The following TOX2 variants were observed in gnomAD, a reference collection of about 807,000 sequenced individuals.
TOX2 encodes the protein granulosa cell HMG box 1.
In TOX2, 15 loss-of-function variants were observed where a neutral mutation model predicts 47.4. That is an observed-to-expected ratio of 0.32 (90% confidence interval 0.21 to 0.49). TOX2 has a LOEUF of 0.49. Among genes scored for constraint, TOX2 ranks in the 20% least tolerant of loss-of-function variants. The probability of loss-of-function intolerance (pLI) is 0.99; values close to 1 mark genes in which losing one functional copy is unlikely to be tolerated. For synonymous variants in TOX2, 290 were observed against 296.6 expected (o/e 0.98, Z 0.23); for missense variants, 622 against 673.1 (o/e 0.92, Z 0.84).
At chr20:44,051,218 A>G in intron 3 of TOX2, 88 bp from the exon 4 acceptor site, 1 of 1,509,806 alleles carries the variant, frequency 6.6e-7, no homozygotes, top group Non-Finnish European at 8.9e-7. Context: ...TCTCCTCTGC[A>G]TTCCCTCCTC....
chr20:44,052,669 A>G (rs1199519658), intron 4 of TOX2, among the ~76,000 whole-genome samples: 1 of 152,224 alleles, frequency 6.6e-6, no homozygotes, highest in Non-Finnish European at 1.5e-5. Context: ...TGTAATCCTC[A>G]TAAAAGTCCT....
chr20:44,037,761 T>C (rs1600767543), intron 3 of TOX2, among the ~76,000 whole-genome samples: 1 of 152,186 alleles, frequency 6.6e-6, no homozygotes, highest in Non-Finnish European at 1.5e-5. Flanking sequence ...CTCTTTTAAA[T>C]TACTCAGTGT....
chr20:43,916,487 G>C lies in TOX2; in HGVS notation c.99+1497G>C, dbSNP rs904826633. Among the ~76,000 whole-genome samples the C allele has an allele frequency of 2.6e-5, 4 of 152,218 alleles. No individual in the cohort carries two copies. Among genetic ancestry groups the C allele is most frequent in the Admixed American group, 6.5e-5 (1 of 15,284 alleles). On this transcript the variant is annotated intron_variant, in intron 1 of 8. Transcript: ENST00000341197. The surrounding 1 kb of genome is among the most constrained non-coding windows in gnomAD (Gnocchi z 5.0). ...TGGTGGGCGACAAGTGAGGTCTCGC[G>C]AAGAGTGGCGGTGGTTCTCTTTTGT...
intron 3 of TOX2, among the ~76,000 whole-genome samples, chr20:44,015,333 A>G (rs2070861370): frequency 6.6e-6 from 1 of 152,096 alleles, no homozygotes; most frequent in African/African-American, 2.4e-5. Flanking sequence ...ATAATTATTT[A>G]TTTTCAAACA....
intron 2 of TOX2, among the ~76,000 whole-genome samples, chr20:43,974,600 G>C (rs1156874611): frequency 6.6e-6 from 1 of 152,262 alleles, no homozygotes; most frequent in Non-Finnish European, 1.5e-5. Flanking sequence ...GGCTATGGCA[G>C]TCCAAGTTGG....
intron 1 of TOX2, among the ~76,000 whole-genome samples, chr20:43,952,147 C>T (rs1016582746): frequency 7.2e-5 from 11 of 152,170 alleles, no homozygotes; most frequent in African/African-American, 2.2e-4. Context: ...GTGATCTGCC[C>T]GCCTTGGCCT....
chr20:44,053,621 C>CATCTATATACATATAT (rs1569139629), intron 4 of TOX2, among the ~76,000 whole-genome samples: 2 of 150,404 alleles, frequency 1.3e-5, no homozygotes, highest in African/African-American at 4.9e-5. Flanking sequence ...TATACACACA[C>CATCTATATACATATAT]ACACACACGT....
chr20:44,030,278 T>G (rs887239497), intron 3 of TOX2, among the ~76,000 whole-genome samples: 1 of 152,036 alleles, frequency 6.6e-6, no homozygotes, highest in Non-Finnish European at 1.5e-5. Flanking sequence ...CAATCCTAAG[T>G]CTCTCCCTCC....
intron 2 of TOX2, among the ~76,000 whole-genome samples, chr20:43,996,274 G>A (rs1339884347): frequency 6.6e-6 from 1 of 152,186 alleles, no homozygotes; most frequent in Non-Finnish European, 1.5e-5. Flanking sequence ...TGATGTTGTA[G>A]CTGAGATGTT....
At chr20:44,027,035 G>C (rs73292475) in intron 3 of TOX2, among the ~76,000 whole-genome samples, 1 of 152,176 alleles carries the variant, frequency 6.6e-6, no homozygotes, top group East Asian at 1.9e-4. Flanking sequence ...ATTGAGCGGC[G>C]AGGCAGTAAA....
At chr20:43,929,899 G>A (rs1341160066) in intron 1 of TOX2, among the ~76,000 whole-genome samples, 1 of 152,016 alleles carries the variant, frequency 6.6e-6, no homozygotes, top group East Asian at 1.9e-4. Context: ...TAGTAGAGAC[G>A]GGGTTTCACC....
chr20:44,008,963 G>A (rs755526224), intron 3 of TOX2, among the ~76,000 whole-genome samples: 14 of 152,290 alleles, frequency 9.2e-5, no homozygotes, highest in African/African-American at 3.1e-4. Flanking sequence ...TGACAGCATC[G>A]CTGGACAGAC....
rs866580051 is a variant in TOX2, at chr20:44,065,829, G to C, written c.1078G>C (p.Asp360His). ...CCTGGCCTCCTTCCTGACGCCGTCG[G>C]ACCTGCAGGCCTTCCGCAGTGGGGC... is the stretch of plus-strand genomic sequence containing the variant. ...PGLASFLTPS[D>H]LQAFRSGASP... is the part of the protein sequence containing the mutation. The change falls in exon 7 of 9, where the codon GAC (aspartate) becomes CAC (histidine). Residue 360 changes from aspartate to histidine, a missense_variant. By Grantham distance (81) the Asp-to-His change is moderately conservative. Transcript: ENST00000341197. 1 of 1,613,870 alleles carries C rather than the reference G, an allele frequency of 6.2e-7. No homozygotes were observed. Among genetic ancestry groups the C allele is most frequent in the Admixed American group, 1.7e-5 (1 of 60,024 alleles).
At chr20:43,980,621 ATATGTACACC>A (rs1302068220) in intron 2 of TOX2, among the ~76,000 whole-genome samples, 6 of 152,210 alleles carry the variant, frequency 3.9e-5, no homozygotes, top group Non-Finnish European at 8.8e-5. Flanking sequence ...TACTCTATAA[ATATGTACACC>A]TATGTACACA....
intron 5 of TOX2, among the ~76,000 whole-genome samples, chr20:44,059,186 A>G (rs968312357): frequency 1.1e-4 from 16 of 152,218 alleles, no homozygotes; most frequent in Admixed American, 2.0e-4. Flanking sequence ...AACAATCACA[A>G]CTTCTGGAAA....
intron 1 of TOX2, among the ~76,000 whole-genome samples, chr20:43,940,471 A>T (rs2069388266): frequency 6.7e-6 from 1 of 149,434 alleles, no homozygotes. Flanking sequence ...CAATCCTCCC[A>T]TCTCGGCCTC....
At chr20:44,057,757 T>C (rs1188874837) in intron 5 of TOX2, among the ~76,000 whole-genome samples, 1 of 152,246 alleles carries the variant, frequency 6.6e-6, no homozygotes, top group Admixed American at 6.5e-5. Context: ...TGAGGGTCCA[T>C]GAACTGTGCT....
At chr20:43,995,583 T>G (rs1222597996) in intron 2 of TOX2, among the ~76,000 whole-genome samples, 4 of 152,128 alleles carry the variant, frequency 2.6e-5, no homozygotes, top group African/African-American at 9.7e-5. Context: ...GCTTGTGTCG[T>G]GGGGATTTGA....
intron 3 of TOX2, among the ~76,000 whole-genome samples, chr20:44,026,986 G>A (rs2071078191): frequency 6.6e-6 from 1 of 152,208 alleles, no homozygotes; most frequent in Non-Finnish European, 1.5e-5. Context: ...TTTCTCGAGA[G>A]TTCATAAAAA....
Sources: allele counts gnomAD v4.1 joint callset (sites outside exome capture counted in the v4.1 genomes callset), GRCh38; gene constraint gnomAD v4.1.1; non-coding constraint Gnocchi (gnomAD v3.1); transcripts MANE v1.5; gene names NCBI Gene and HGNC (gene_info 2026-07-23, HGNC 2026-07-21).